The following GABRG2 variants were observed in gnomAD, a reference collection of about 807,000 sequenced individuals.
The protein encoded by GABRG2 is gamma-aminobutyric acid receptor subunit gamma-2.
Under a neutral mutation model 56.4 loss-of-function variants are expected in GABRG2, and 16 were observed. The observed-to-expected ratio is 0.28, with a 90% CI of 0.19 to 0.43. GABRG2 has a LOEUF of 0.43. Ranked by LOEUF, GABRG2 falls within the 20% of genes least tolerant of loss-of-function variation. The pLI is 1.00. For synonymous variants in GABRG2, 208 were observed against 205.5 expected (o/e 1.01, Z -0.10); for missense variants, 327 against 582.7 (o/e 0.56, Z 4.52).
chr5:162,114,601 A>T (rs902381892), intron 6 of GABRG2, among the ~76,000 whole-genome samples: 2 of 152,038 alleles, frequency 1.3e-5, no homozygotes, highest in African/African-American at 4.8e-5. Context: ...ACAAAATGAC[A>T]CTCTAAAAAA....
At chr5:162,079,346 T>C (rs577585377) in intron 1 of GABRG2, among the ~76,000 whole-genome samples, 1 of 152,324 alleles carries the variant, frequency 6.6e-6, no homozygotes, top group South Asian at 2.1e-4. Flanking sequence ...AAGCAGATTC[T>C]TAACAGTTGT....
chr5:162,112,212 A>G (rs183989243), intron 6 of GABRG2, among the ~76,000 whole-genome samples: 1 of 152,162 alleles, frequency 6.6e-6, no homozygotes, highest in Admixed American at 6.5e-5. Flanking sequence ...ATAAATTTTA[A>G]GATTAATATT....
chr5:162,095,549 A>G lies in GABRG2; in HGVS notation c.314A>G (p.Asn105Ser). Residue 105 changes from asparagine (N) to serine (S), a missense_variant, in exon 3 of 10, where the codon AAC (asparagine) becomes AGC (serine). Physicochemically the swap from Asn to Ser is conservative, Grantham distance 46. Transcript: ENST00000639213. The part of the protein sequence containing the change: ...DMYVNSIGPV[N>S]AINMEYTIDI... ...TATGTGAATAGCATTGGTCCAGTGA[A>G]CGCTATCAATATGGTGAGTTTCCAA... The G allele has an allele frequency of 6.2e-7, 1 of 1,605,552 alleles. No individual in the cohort carries two copies. Among genetic ancestry groups the G allele is most frequent in the Non-Finnish European group, 8.5e-7 (1 of 1,172,988 alleles).
At chr5:162,118,726 T>C (rs1354563814) in intron 6 of GABRG2, among the ~76,000 whole-genome samples, 1 of 152,124 alleles carries the variant, frequency 6.6e-6, no homozygotes, top group Non-Finnish European at 1.5e-5. Context: ...TTCTCACTCC[T>C]GGGTTCCTGT....
At chr5:162,131,898 G>T (rs1390986534) in intron 6 of GABRG2, among the ~76,000 whole-genome samples, 2 of 148,296 alleles carry the variant, frequency 1.3e-5, no homozygotes, top group Non-Finnish European at 3.0e-5. Flanking sequence ...TAGCTATAAG[G>T]AAGTTACCAC....
chr5:162,075,785 C>T (rs558132866), intron 1 of GABRG2, among the ~76,000 whole-genome samples: 34 of 152,026 alleles, frequency 2.2e-4, no homozygotes, highest in South Asian at 1.0e-3. Flanking sequence ...ACAAACAAAC[C>T]GTTTCCACAG....
intron 3 of GABRG2, among the ~76,000 whole-genome samples, chr5:162,096,235 A>G (rs755132989): frequency 4.6e-5 from 7 of 152,024 alleles, no homozygotes; most frequent in Non-Finnish European, 8.8e-5. Context: ...CCAAGCTAAT[A>G]AGTTTGCTTG....
chr5:162,139,057 T>C (rs1764355082), intron 6 of GABRG2, among the ~76,000 whole-genome samples: 2 of 151,776 alleles, frequency 1.3e-5, no homozygotes, highest in African/African-American at 2.4e-5. Context: ...AAAGTAGACA[T>C]AAGAATCTCA....
intron 6 of GABRG2, among the ~76,000 whole-genome samples, chr5:162,132,189 T>G (rs1001414653): frequency 6.7e-6 from 1 of 148,240 alleles, no homozygotes; most frequent in Non-Finnish European, 1.5e-5. Flanking sequence ...CACAAATTAG[T>G]TTTTGACCAA....
intron 6 of GABRG2, among the ~76,000 whole-genome samples, chr5:162,134,775 A>C (rs1026438582): frequency 2.0e-5 from 3 of 152,102 alleles, no homozygotes. Flanking sequence ...TGGCCAAAAT[A>C]AAGCCATCTC....
intron 7 of GABRG2, among the ~76,000 whole-genome samples, chr5:162,147,336 C>T (rs1327999758): frequency 6.9e-6 from 1 of 144,400 alleles, no homozygotes; most frequent in African/African-American, 2.6e-5. Flanking sequence ...CTTTCCTTCC[C>T]TCCTTCCTTC....
intron 6 of GABRG2, among the ~76,000 whole-genome samples, chr5:162,140,749 A>G (rs1764499488): frequency 6.6e-6 from 1 of 152,234 alleles, no homozygotes; most frequent in Non-Finnish European, 1.5e-5. Flanking sequence ...TGAAACTGAT[A>G]TTCTCTAAGA....
intron 5 of GABRG2, chr5:162,102,207 T>C: frequency 4.8e-6 from 1 of 209,526 alleles, no homozygotes; most frequent in Non-Finnish European, 9.9e-6. Flanking sequence ...CTGGACATCA[T>C]ATTTACCTAG....
At chr5:162,114,123 C>G (rs1762443565) in intron 6 of GABRG2, among the ~76,000 whole-genome samples, 1 of 152,090 alleles carries the variant, frequency 6.6e-6, no homozygotes, top group South Asian at 2.1e-4. Context: ...TTAAAAGATT[C>G]TTATATCCTA....
intron 4 of GABRG2, chr5:162,100,107 T>A (rs1761304009): frequency 6.6e-6 from 1 of 152,122 alleles, no homozygotes; most frequent in Middle Eastern, 3.2e-3. Flanking sequence ...CAACTGTGCC[T>A]CTTGTTATGT....
intron 6 of GABRG2, among the ~76,000 whole-genome samples, chr5:162,109,161 A>G (rs1038806778): frequency 8.6e-5 from 13 of 151,752 alleles, no homozygotes; most frequent in Middle Eastern, 3.4e-3. Flanking sequence ...CAAACACCGC[A>G]TGTTCTCCCT....
intron 6 of GABRG2, among the ~76,000 whole-genome samples, chr5:162,106,964 A>G (rs552359763): frequency 6.6e-6 from 1 of 152,090 alleles, no homozygotes; most frequent in South Asian, 2.1e-4. Context: ...GTATTGAGCC[A>G]AGTACCTCTT....
At position 162,153,491 on chromosome 5, in the gene GABRG2, A is replaced by G; in HGVS notation, c.*123A>G. 8.3e-7 allele frequency: 1 copy of G among 1,199,344 alleles called. No individual in the cohort carries two copies. Among genetic ancestry groups the G allele is most frequent in the Non-Finnish European group, 1.2e-6 (1 of 813,978 alleles). 74.3% of individuals were successfully genotyped at this position (1,199,344 alleles called of 1,614,324 possible). A position where few individuals can be genotyped will look rare whatever the true frequency, so the allele number is the denominator to read the frequency against. ...ATGATCTGAATCTGTTTCTATGTCC[A>G]AACCTGGTAAATTTTATAATGTCAT... On this transcript the variant is annotated 3_prime_UTR_variant, in exon 10 of 10. Transcript: ENST00000639213.
At chr5:162,112,614 G>T (rs1447537141) in intron 6 of GABRG2, among the ~76,000 whole-genome samples, 1 of 152,030 alleles carries the variant, frequency 6.6e-6, no homozygotes, top group African/African-American at 2.4e-5. Context: ...CTGGAAATGG[G>T]CAGCAAATAG....
Sources: gnomAD v4.1 joint callset for allele counts (sites outside exome capture counted in the v4.1 genomes callset) on GRCh38, gnomAD v4.1.1 for gene constraint, MANE v1.5 for transcripts, NCBI Gene and HGNC (gene_info 2026-07-23, HGNC 2026-07-21) for gene names.